FRMD4A: variants seen among roughly 807,000 people sequenced by gnomAD.
The protein encoded by FRMD4A is FERM domain-containing protein 4A.
Under a neutral mutation model 129.1 loss-of-function variants are expected in FRMD4A, and 29 were observed. That is an observed-to-expected ratio of 0.22 (90% CI 0.17 to 0.31). The LOEUF is 0.31. Ranked by LOEUF, FRMD4A falls within the 10% of genes least tolerant of loss-of-function variation. FRMD4A has a pLI of 1.00. For missense variants in FRMD4A, 1,272 were observed against 1,375.8 expected, an observed-to-expected ratio of 0.92 and a Z score of 1.19; for synonymous variants, 634 against 571.6, an observed-to-expected ratio of 1.11 and a Z score of -1.56.
In FRMD4A at chr10:14,176,363, T is replaced by G. The variant is rs546935625; in HGVS notation, c.45+153695A>C. Among the ~76,000 whole-genome samples, 52 of 152,156 alleles carry G rather than the reference T, an allele frequency of 3.4e-4. 1 individual carries two copies. In the South Asian group the frequency reaches 0.01, roughly 30 times the overall value. On this transcript the variant is annotated intron_variant, in intron 2 of 24. Transcript: ENST00000357447. ...ACTTCCATTTCCAGTTTAGTGCCAG[T>G]CTCTTTGTGACACTTCTCCTAACTG... is the stretch of plus-strand genomic sequence containing the variant.
chr10:13,954,634 C>T (rs1193722826), intron 2 of FRMD4A, among the ~76,000 whole-genome samples: 1 of 152,092 alleles, frequency 6.6e-6, no homozygotes, highest in Admixed American at 6.5e-5. Context: ...CCCCTTCCAG[C>T]ACCATCAGGG....
Position 14,278,071 on chromosome 10 carries a change from C to A in FRMD4A, c.45+51987G>T, listed in dbSNP as rs78219328. Reference sequence around the variant, plus strand: ...GCAACACAAGCTCTATCACTTTTCCCGACATTCTGGACCGCTTTGGCAGGT... The same window carrying A: ...GCAACACAAGCTCTATCACTTTTCCAGACATTCTGGACCGCTTTGGCAGGT... On this transcript the variant is annotated intron_variant, in intron 2 of 24. Transcript: ENST00000357447. 9.8e-3 allele frequency among the ~76,000 whole-genome samples: 1,491 copies of A among 152,208 alleles called. 27 individuals carry two copies. The highest frequency in any genetic ancestry group is 0.034 in the African/African-American group (1,430 of 41,514).
intron 2 of FRMD4A, among the ~76,000 whole-genome samples, chr10:14,006,640 C>T (rs547834414): frequency 5.9e-5 from 9 of 152,236 alleles, no homozygotes; most frequent in Non-Finnish European, 1.2e-4. Context: ...CCCTAAGGCA[C>T]ACAATTCACA....
At chr10:13,790,176 G>A (rs1364865573) in intron 5 of FRMD4A, among the ~76,000 whole-genome samples, 3 of 151,652 alleles carry the variant, frequency 2.0e-5, no homozygotes, top group East Asian at 3.9e-4. Flanking sequence ...GTGAGGTCAA[G>A]GTTGACTCCC....
chr10:14,185,638 G>T (rs906082973), intron 2 of FRMD4A, among the ~76,000 whole-genome samples: 1 of 152,214 alleles, frequency 6.6e-6, no homozygotes, highest in Admixed American at 6.5e-5. Flanking sequence ...CATGGTCAGA[G>T]AGCTGCAGGG....
intron 2 of FRMD4A, among the ~76,000 whole-genome samples, chr10:14,183,225 T>C (rs575046745): frequency 5.3e-5 from 8 of 152,380 alleles, no homozygotes; most frequent in African/African-American, 1.4e-4. Context: ...TGAAAAGTTA[T>C]GTGTCATGCA....
intron 2 of FRMD4A, among the ~76,000 whole-genome samples, chr10:14,093,402 T>C (rs1836766558): frequency 1.3e-5 from 2 of 152,180 alleles, no homozygotes; most frequent in African/African-American, 4.8e-5. Flanking sequence ...ACATTGAGTT[T>C]AAAAGGAAGA....
intron 18 of FRMD4A, among the ~76,000 whole-genome samples, chr10:13,664,900 G>C (rs1356103988): frequency 1.3e-5 from 2 of 151,838 alleles, no homozygotes; most frequent in Non-Finnish European, 2.9e-5. Context: ...TTGTTTGTTT[G>C]AGATAGAGTT....
intron 2 of FRMD4A, among the ~76,000 whole-genome samples, chr10:14,104,019 T>G (rs1223328538): frequency 6.6e-6 from 1 of 152,204 alleles, no homozygotes. Flanking sequence ...TTGCTGTAAA[T>G]TGGAGCAAAT....
intron 15 of FRMD4A, among the ~76,000 whole-genome samples, chr10:13,689,997 G>C (rs1036351700): frequency 6.6e-6 from 1 of 152,184 alleles, no homozygotes; most frequent in African/African-American, 2.4e-5. Context: ...CTGAAATGGA[G>C]ACTAGTTTCT....
At chr10:13,848,327 G>C (rs2094084489) in intron 3 of FRMD4A, among the ~76,000 whole-genome samples, 1 of 152,100 alleles carries the variant, frequency 6.6e-6, no homozygotes, top group African/African-American at 2.4e-5. Flanking sequence ...CTCCCTTTAC[G>C]TTTGAGCCAC....
At chr10:14,030,131 G>T (rs1365818559) in intron 2 of FRMD4A, among the ~76,000 whole-genome samples, 1 of 152,142 alleles carries the variant, frequency 6.6e-6, no homozygotes, top group African/African-American at 2.4e-5. Context: ...TTGGTCAAGG[G>T]GTACAAAGTT....
At chr10:13,767,672 G>A (rs1273156883) in intron 6 of FRMD4A, among the ~76,000 whole-genome samples, 1 of 152,232 alleles carries the variant, frequency 6.6e-6, no homozygotes, top group African/African-American at 2.4e-5. Flanking sequence ...AGGACAAAAT[G>A]GGATCATAGG....
chr10:14,014,936 C>T (rs1284779650), intron 2 of FRMD4A, among the ~76,000 whole-genome samples: 12 of 142,860 alleles, frequency 8.4e-5, no homozygotes, highest in Admixed American at 7.0e-5. Flanking sequence ...TTACTTCTTC[C>T]TTTCTTCTTC....
At chr10:13,729,133 G>A (rs1160800720) in intron 12 of FRMD4A, among the ~76,000 whole-genome samples, 2 of 15,310 alleles carry the variant, frequency 1.3e-4, no homozygotes, top group Admixed American at 1.7e-3. Flanking sequence ...GTCTCTAGAC[G>A]CATGGAAAGC....
intron 8 of FRMD4A, among the ~76,000 whole-genome samples, chr10:13,754,279 TATC>T (rs1174968261): frequency 8.0e-6 from 1 of 125,220 alleles, no homozygotes; most frequent in Non-Finnish European, 1.7e-5. Flanking sequence ...ATTTGAAGAA[TATC>T]ATCCTGCAAA....
intron 2 of FRMD4A, among the ~76,000 whole-genome samples, chr10:13,954,586 G>T (rs2446575): frequency 0.45 from 67,994 of 151,914 alleles, 16,177 homozygotes; most frequent in East Asian, 0.82. Flanking sequence ...TGGCTCCAGG[G>T]GCTCAAGTCA....
chr10:13,864,218 A>G (rs2094333031), intron 2 of FRMD4A, among the ~76,000 whole-genome samples: 1 of 150,854 alleles, frequency 6.6e-6, no homozygotes, highest in Non-Finnish European at 1.5e-5. Flanking sequence ...CTGGTCTCGA[A>G]CTCCTGGCCT....
At chr10:14,140,054 G>T (rs1228181041) in intron 2 of FRMD4A, among the ~76,000 whole-genome samples, 1 of 151,906 alleles carries the variant, frequency 6.6e-6, no homozygotes, top group Non-Finnish European at 1.5e-5. Flanking sequence ...GCATTTTATT[G>T]TACATATTTT....
Sources: gnomAD v4.1 joint callset for allele counts (sites outside exome capture counted in the v4.1 genomes callset) on GRCh38, gnomAD v4.1.1 for gene constraint, MANE v1.5 for transcripts, NCBI Gene and HGNC (gene_info 2026-07-23, HGNC 2026-07-21) for gene names.